The following CENPP variants were observed in gnomAD, a reference collection of about 807,000 sequenced individuals.
CENPP encodes centromere protein P.
In CENPP, 24 loss-of-function variants were observed where a neutral mutation model predicts 35.6. That is an observed-to-expected ratio of 0.67 (90% CI 0.49 to 0.95). The LOEUF is 0.95. Ranked by LOEUF, CENPP falls within the 40% of genes least tolerant of loss-of-function variation. The pLI is 0.00. For missense variants in CENPP, 332 were observed against 345.3 expected, an observed-to-expected ratio of 0.96 and a Z score of 0.31; for synonymous variants, 120 against 125.5, an observed-to-expected ratio of 0.96 and a Z score of 0.29.
intron 5 of CENPP, among the ~76,000 whole-genome samples, chr9:92,526,050 A>G (rs1194874457): frequency 1.3e-5 from 2 of 152,084 alleles, no homozygotes; most frequent in Non-Finnish European, 2.9e-5. Context: ...ACAAACATTA[A>G]CTGCGCAACA....
At chr9:92,594,179 A>G in intron 5 of CENPP, among the ~76,000 whole-genome samples, 1 of 152,198 alleles carries the variant, frequency 6.6e-6, no homozygotes, top group South Asian at 2.1e-4. Context: ...TAGTTTAAGA[A>G]AAAACCAGGT....
chr9:92,353,664 T>G (rs374740491), intron 4 of CENPP, among the ~76,000 whole-genome samples: 5 of 152,306 alleles, frequency 3.3e-5, no homozygotes, highest in African/African-American at 1.2e-4. Flanking sequence ...ACTTCCAGTT[T>G]AATGAGATCT....
chr9:92,494,242 T>C (rs1846253976), intron 5 of CENPP: 25 of 1,284,342 alleles, frequency 1.9e-5, no homozygotes, highest in Non-Finnish European at 2.6e-5. Context: ...ACTCACCTTA[T>C]TCAGTTTGAG....
chr9:92,331,595 A>G (rs1840748736), intron 1 of CENPP, among the ~76,000 whole-genome samples: 2 of 152,244 alleles, frequency 1.3e-5, no homozygotes, highest in Non-Finnish European at 2.9e-5. Flanking sequence ...TCCTGTTATA[A>G]TTTATTTGAA....
intron 5 of CENPP, among the ~76,000 whole-genome samples, chr9:92,555,987 TTGTC>T (rs1168024235): frequency 1.3e-5 from 2 of 152,160 alleles, no homozygotes; most frequent in Non-Finnish European, 2.9e-5. Context: ...TGACCTTAGA[TTGTC>T]TGTGCTCTTT....
chr9:92,597,274 G>A (rs1441163818), intron 5 of CENPP, among the ~76,000 whole-genome samples: 3 of 152,108 alleles, frequency 2.0e-5, no homozygotes, highest in South Asian at 2.1e-4. Flanking sequence ...AGTGCAAGTC[G>A]ACTGCACAGG....
intron 7 of CENPP, 26 bp from the exon 8 acceptor site, chr9:92,612,993 T>C (rs1280907909): frequency 3.1e-6 from 5 of 1,613,496 alleles, no homozygotes; most frequent in Non-Finnish European, 4.2e-6. Context: ...TGAAGTTTCT[T>C]ACCCGGTTTA....
chr9:92,522,088 GTTTTGTTTTT>G (rs1848104235), intron 5 of CENPP, among the ~76,000 whole-genome samples: 1 of 151,780 alleles, frequency 6.6e-6, no homozygotes, highest in Non-Finnish European at 1.5e-5. Context: ...GTTTTGTTTT[GTTTTGTTTTT>G]AATCTCGAGA....
chr9:92,408,419 C>T (rs895848744), intron 5 of CENPP, among the ~76,000 whole-genome samples: 1 of 152,100 alleles, frequency 6.6e-6, no homozygotes, highest in Non-Finnish European at 1.5e-5. Context: ...CTCTTGATCT[C>T]GTGATTTGCC....
At chr9:92,511,307 A>C (rs933837485) in intron 5 of CENPP, among the ~76,000 whole-genome samples, 1 of 152,020 alleles carries the variant, frequency 6.6e-6, no homozygotes, top group African/African-American at 2.4e-5. Context: ...TTGTATTTTT[A>C]GTAGAGACGG....
chr9:92,533,303 CAAAAAAAAAAAA>C (rs1174584000), intron 5 of CENPP, among the ~76,000 whole-genome samples: 4 of 29,880 alleles, frequency 1.3e-4, no homozygotes, highest in African/African-American at 4.1e-4. Flanking sequence ...CGGTCTCAAA[CAAAAAAAAAAAA>C]AAAAAAAAAA....
intron 5 of CENPP, among the ~76,000 whole-genome samples, chr9:92,546,005 G>A (rs1297071761): frequency 2.0e-5 from 3 of 151,816 alleles, no homozygotes; most frequent in African/African-American, 4.8e-5. Flanking sequence ...GTCTAGCTCA[G>A]GGATTGTGAA....
intron 5 of CENPP, among the ~76,000 whole-genome samples, chr9:92,556,269 A>T (rs896766078): frequency 4.6e-5 from 7 of 151,998 alleles, no homozygotes; most frequent in East Asian, 1.9e-4. Flanking sequence ...TATAATTTCA[A>T]TTTTTTTAAA....
At chr9:92,406,960 C>G in intron 5 of CENPP, among the ~76,000 whole-genome samples, 1 of 152,148 alleles carries the variant, frequency 6.6e-6, no homozygotes, top group East Asian at 1.9e-4. Context: ...CCTAGAAGAA[C>G]TCTCAGAACT....
chr9:92,602,829 A>C (rs1182486476), intron 5 of CENPP, among the ~76,000 whole-genome samples: 2 of 138,782 alleles, frequency 1.4e-5, no homozygotes, highest in Non-Finnish European at 3.3e-5. Context: ...TTACATTCAA[A>C]TTAAACTTTT....
intron 5 of CENPP, among the ~76,000 whole-genome samples, chr9:92,501,804 C>T (rs558647671): frequency 3.3e-5 from 5 of 152,292 alleles, no homozygotes; most frequent in African/African-American, 7.2e-5. Context: ...TTCCAGGACA[C>T]GCAATCCCAG....
chr9:92,424,160 G>A (rs903390325), intron 5 of CENPP: 2 of 151,916 alleles, frequency 1.3e-5, no homozygotes, highest in African/African-American at 2.4e-5. Context: ...TTAACAGTAG[G>A]AATACATTCT....
intron 5 of CENPP, among the ~76,000 whole-genome samples, chr9:92,462,861 A>T (rs1271351851): frequency 6.6e-6 from 1 of 152,232 alleles, no homozygotes; most frequent in South Asian, 2.1e-4. Context: ...CATCATACAT[A>T]CAAAAATCAC....
chr9:92,390,514 A>C (rs146696690), intron 5 of CENPP, among the ~76,000 whole-genome samples: 1 of 152,310 alleles, frequency 6.6e-6, no homozygotes, highest in African/African-American at 2.4e-5. Flanking sequence ...CAACAAAGAC[A>C]AAGATGTTCC....
Sources: gnomAD v4.1 joint callset for allele counts (sites outside exome capture counted in the v4.1 genomes callset) on GRCh38, gnomAD v4.1.1 for gene constraint, MANE v1.5 for transcripts, NCBI Gene and HGNC (gene_info 2026-07-23, HGNC 2026-07-21) for gene names.